The following KCNQ1 variants were observed in gnomAD, a reference collection of about 807,000 sequenced individuals.
KCNQ1 encodes potassium voltage-gated channel subfamily KQT member 1.
Under a neutral mutation model 72.4 loss-of-function variants are expected in KCNQ1, and 49 were observed. The observed-to-expected ratio is 0.68, with a 90% CI of 0.54 to 0.86. The LOEUF (loss-of-function observed/expected upper bound fraction) is 0.86. Ranked by LOEUF, KCNQ1 falls within the 40% of genes least tolerant of loss-of-function variation. KCNQ1 has a pLI of 0.00. For synonymous variants in KCNQ1, 450 were observed against 412.6 expected (o/e 1.09, Z -1.10); for missense variants, 790 against 945.1 (o/e 0.84, Z 2.15).
chr11:2,741,787 G>A (rs375798593), intron 11 of KCNQ1, among the ~76,000 whole-genome samples: 60 of 152,320 alleles, frequency 3.9e-4, no homozygotes, highest in African/African-American at 1.3e-3. Context: ...CTGGGGCTGG[G>A]AGCCTCTTCC....
intron 8 of KCNQ1, 40 bp downstream of exon 8, chr11:2,585,347 C>T: frequency 1.3e-6 from 2 of 1,564,584 alleles, no homozygotes; most frequent in African/African-American, 2.7e-5. Flanking sequence ...TCATTTTGGT[C>T]ACTGTTATTG....
rs940884287 is a variant in KCNQ1, at chr11:2,645,501, A to G, written c.1394-16460A>G. 27 of 398,620 alleles carry G rather than the reference A, an allele frequency of 6.8e-5. No individual in the cohort carries two copies. Among genetic ancestry groups the G allele is most frequent in the Middle Eastern group, 1.2e-3 (2 of 1,612 alleles). 24.7% of individuals were successfully genotyped at this position (398,620 alleles called of 1,614,324 possible). ...TGCTGAATGCTCATGTTGGGGCAGC[A>G]GCAACTCTATTGCAGCCCTACTCCT... is the stretch of plus-strand genomic sequence containing the variant. On this transcript the variant is annotated intron_variant, in intron 10 of 15. Coordinates refer to ENST00000155840, the MANE Select transcript of KCNQ1 (RefSeq NM_000218.3). The surrounding 1 kb of genome is among the most constrained non-coding windows in gnomAD (Gnocchi z 5.8).
intron 10 of KCNQ1, chr11:2,655,020 A>G (rs1849820087): frequency 5.0e-6 from 2 of 398,468 alleles, no homozygotes; most frequent in Admixed American, 8.8e-5. Context: ...GGAAATGAAA[A>G]TCACCCAAAG....
At chr11:2,754,971 C>T (rs1047346440) in intron 11 of KCNQ1, among the ~76,000 whole-genome samples, 2 of 152,204 alleles carry the variant, frequency 1.3e-5, no homozygotes, top group African/African-American at 4.8e-5. Flanking sequence ...CCCCAACACA[C>T]ATCAGAATAA....
intron 15 of KCNQ1, among the ~76,000 whole-genome samples, chr11:2,819,001 A>G (rs1847678826): frequency 6.6e-6 from 1 of 152,222 alleles, no homozygotes; most frequent in Non-Finnish European, 1.5e-5. Context: ...CCAGCCTGAA[A>G]GGAGCTAGTC....
At position 2,468,843 on chromosome 11, in the gene KCNQ1, C is replaced by G. The variant is rs767650084; in HGVS notation, c.386+23359C>G. ...CCCATTTGGGCTCTCACAAATGATA[C>G]TGCTAGGAATAGCTGGAGTCTCTGT... is the stretch of plus-strand genomic sequence containing the variant. On this transcript the variant is annotated intron_variant, in intron 1 of 15. Coordinates refer to ENST00000155840, the MANE Select transcript of KCNQ1 (RefSeq NM_000218.3). The surrounding 1 kb of genome is among the most constrained non-coding windows in gnomAD (Gnocchi z 5.7). Among the ~76,000 whole-genome samples, 1 of 151,872 alleles carries G rather than the reference C, an allele frequency of 6.6e-6. No homozygotes were observed. The highest frequency in any genetic ancestry group is 1.5e-5 in the Non-Finnish European group (1 of 68,008).
chr11:2,573,343 G>A (rs372053858), intron 6 of KCNQ1, among the ~76,000 whole-genome samples: 3 of 152,202 alleles, frequency 2.0e-5, no homozygotes, highest in African/African-American at 4.8e-5. Flanking sequence ...TGCCTCCACC[G>A]TGGCCCTCAC....
rs1298350015 is a variant in KCNQ1 at position 2,543,716 on chromosome 11, G to A, written c.477+15698G>A. Among the ~76,000 whole-genome samples the A allele has an allele frequency of 6.6e-6, 1 of 152,140 alleles. No homozygotes were observed. Among genetic ancestry groups the A allele is most frequent in the Non-Finnish European group, 1.5e-5 (1 of 68,026 alleles). Reference sequence around the variant, plus strand: ...CTCTTACTAAGATTTTCTGCTAGTAGTTTTATAATTTTTGTGCTTACCTTT... The same window carrying A: ...CTCTTACTAAGATTTTCTGCTAGTAATTTTATAATTTTTGTGCTTACCTTT... On this transcript the variant is annotated intron_variant, in intron 2 of 15. Transcript: ENST00000155840. This position sits in a 1 kb window ranked among gnomAD's most constrained non-coding sequence, Gnocchi z 5.6.
chr11:2,535,309 C>T (rs1386635386), intron 2 of KCNQ1, among the ~76,000 whole-genome samples: 3 of 152,188 alleles, frequency 2.0e-5, no homozygotes, highest in East Asian at 1.9e-4. Flanking sequence ...CTGGGGACAC[C>T]CAGGTGGGCT....
intron 1 of KCNQ1, among the ~76,000 whole-genome samples, chr11:2,503,295 A>AT (rs1161976468): frequency 6.6e-6 from 1 of 152,226 alleles, no homozygotes; most frequent in Non-Finnish European, 1.5e-5. Flanking sequence ...AATAACCAGA[A>AT]TATGTAAGGA....
At position 2,562,219 on chromosome 11, in the gene KCNQ1, G is replaced by T. The variant is rs1848180236; in HGVS notation, c.478-8409G>T. ...GGACTGGTACTCCCCGGGGGGTGGG[G>T]GTGAGGGCGGGGGTGAGTGTGGATG... On this transcript the variant is annotated intron_variant, in intron 2 of 15. Coordinates refer to ENST00000155840, the MANE Select transcript of KCNQ1 (RefSeq NM_000218.3). This position sits in a 1 kb window ranked among gnomAD's most constrained non-coding sequence, Gnocchi z 7.5. Among the ~76,000 whole-genome samples the T allele has an allele frequency of 6.6e-6, 1 of 151,928 alleles. No homozygotes were observed. Among genetic ancestry groups the T allele is most frequent in the African/African-American group, 2.4e-5 (1 of 41,364 alleles).
chr11:2,586,331 C>CG (rs1554894874), intron 8 of KCNQ1, among the ~76,000 whole-genome samples: 3 of 152,180 alleles, frequency 2.0e-5, no homozygotes, highest in South Asian at 2.1e-4. Flanking sequence ...GCTCAGCCAT[C>CG]GGGGGGGCTG....
At chr11:2,802,061 G>A (rs1009230153) in intron 15 of KCNQ1, among the ~76,000 whole-genome samples, 1 of 152,250 alleles carries the variant, frequency 6.6e-6, no homozygotes, top group South Asian at 2.1e-4. Flanking sequence ...GCGGAGCGGG[G>A]CGCGGTGGGC....
intron 10 of KCNQ1, among the ~76,000 whole-genome samples, chr11:2,589,340 C>T (rs1361508370): frequency 1.3e-5 from 2 of 152,134 alleles, no homozygotes; most frequent in Non-Finnish European, 2.9e-5. Flanking sequence ...CCAGGGGCCC[C>T]GAGTCTGTGC....
Position 2,620,216 on chromosome 11 carries a change from T to A in KCNQ1, c.1393+31362T>A, listed in dbSNP as rs1395464484. 174 of 277,798 alleles carry A rather than the reference T, an allele frequency of 6.3e-4. No individual in the cohort carries two copies. The highest frequency in any genetic ancestry group is 9.3e-4 in the Non-Finnish European group (146 of 156,156). The allele number at this position is 277,798 out of a possible 1,614,324, so 17.2% of individuals were successfully genotyped here. A position where few individuals can be genotyped will look rare whatever the true frequency, so the allele number is the denominator to read the frequency against. ...TCATTCATGTATATATATATATTTTTTTTTTTTATTTTTTTTTTAGACGGA... is the reference window on the plus strand; with the variant it reads ...TCATTCATGTATATATATATATTTTATTTTTTTATTTTTTTTTTAGACGGA... On this transcript the variant is annotated intron_variant, in intron 10 of 15. Coordinates refer to ENST00000155840, the MANE Select transcript of KCNQ1 (RefSeq NM_000218.3). This position sits in a 1 kb window ranked among gnomAD's most constrained non-coding sequence, Gnocchi z 4.5.
At chr11:2,532,521 G>A (rs1847657874) in intron 2 of KCNQ1, among the ~76,000 whole-genome samples, 1 of 152,196 alleles carries the variant, frequency 6.6e-6, no homozygotes, top group Admixed American at 6.5e-5. Context: ...GGACACAGCA[G>A]AGAGTGAGGC....
chr11:2,528,972 T>G (rs1847562058), intron 2 of KCNQ1, among the ~76,000 whole-genome samples: 1 of 152,220 alleles, frequency 6.6e-6, no homozygotes, highest in Admixed American at 6.5e-5. Context: ...CTGGAAGAAC[T>G]CACCTGTGGT....
intron 11 of KCNQ1, among the ~76,000 whole-genome samples, chr11:2,749,266 G>C (rs998453104): frequency 6.6e-6 from 1 of 152,186 alleles, no homozygotes; most frequent in African/African-American, 2.4e-5. Flanking sequence ...GCTCTGCAGG[G>C]AGGGGTTTGG....
At chr11:2,587,500 C>T in intron 8 of KCNQ1, 70 bp from the exon 9 acceptor site, 2 of 1,604,552 alleles carry the variant, frequency 1.2e-6, no homozygotes, top group Non-Finnish European at 1.7e-6. Context: ...GGAGGGGGAG[C>T]TGTAGCTTCC....
Sources: allele counts gnomAD v4.1 joint callset (sites outside exome capture counted in the v4.1 genomes callset), GRCh38; gene constraint gnomAD v4.1.1; non-coding constraint Gnocchi (gnomAD v3.1); transcripts MANE v1.5; gene names NCBI Gene and HGNC (gene_info 2026-07-23, HGNC 2026-07-21).